STPG2: variants seen among roughly 807,000 people sequenced by gnomAD.
STPG2 encodes sperm tail PG-rich repeat containing 2, also known as sperm-tail PG-rich repeat-containing protein 2.
In STPG2, 56 loss-of-function variants were observed where a neutral mutation model predicts 54.2. The observed-to-expected ratio is 1.03, with a 90% confidence interval of 0.83 to 1.29. The LOEUF (loss-of-function observed/expected upper bound fraction) is 1.29. Ranked by LOEUF, STPG2 falls within the 50% of genes most tolerant of loss-of-function variation. The pLI is 0.00. For missense variants in STPG2, 596 were observed against 544.9 expected (o/e 1.09, Z -0.93); for synonymous variants, 200 against 181.8 (o/e 1.10, Z -0.81).
intron 4 of STPG2, among the ~76,000 whole-genome samples, chr4:97,505,099 TA>T (rs1466418164): frequency 1.3e-5 from 2 of 151,826 alleles, no homozygotes; most frequent in Non-Finnish European, 2.9e-5. Context: ...AAATAGCTAA[TA>T]AAATAAGACT....
At chr4:97,937,164 G>A (rs1732776940) in intron 8 of STPG2, among the ~76,000 whole-genome samples, 1 of 151,590 alleles carries the variant, frequency 6.6e-6, no homozygotes, top group Non-Finnish European at 1.5e-5. Context: ...CTGCTTGATC[G>A]ATTCAGCTAT....
chr4:98,012,170 C>A (rs1273997898), intron 5 of STPG2, among the ~76,000 whole-genome samples: 1 of 152,140 alleles, frequency 6.6e-6, no homozygotes, highest in Non-Finnish European at 1.5e-5. Flanking sequence ...CTGCATATGG[C>A]TAGCCAGTTT....
chr4:97,829,620 A>G (rs1379000431), intron 9 of STPG2, among the ~76,000 whole-genome samples: 2 of 152,138 alleles, frequency 1.3e-5, no homozygotes, highest in Non-Finnish European at 2.9e-5. Flanking sequence ...GAAGCTAAAA[A>G]CCTTGCAAGA....
At chr4:98,106,328 T>C (rs1739188420) in intron 4 of STPG2, among the ~76,000 whole-genome samples, 2 of 152,112 alleles carry the variant, frequency 1.3e-5, no homozygotes, top group African/African-American at 2.4e-5. Context: ...ATCTGGTATT[T>C]ATTGAACAAA....
intron 5 of STPG2, among the ~76,000 whole-genome samples, chr4:98,038,609 A>C (rs1736845787): frequency 2.0e-5 from 3 of 152,046 alleles, no homozygotes; most frequent in Admixed American, 2.0e-4. Context: ...TCAAAAGAAA[A>C]TATAAAATAG....
At chr4:98,126,963 C>T (rs1338904513) in intron 3 of STPG2, among the ~76,000 whole-genome samples, 1 of 151,842 alleles carries the variant, frequency 6.6e-6, no homozygotes, top group East Asian at 1.9e-4. Flanking sequence ...AAACATCTAA[C>T]TGGGAACAAT....
chr4:97,778,809 C>T (rs1183200073), intron 9 of STPG2, among the ~76,000 whole-genome samples: 1 of 152,158 alleles, frequency 6.6e-6, no homozygotes, highest in Non-Finnish European at 1.5e-5. Flanking sequence ...CTACTGATCC[C>T]CAGGCAAATA....
intron 3 of STPG2, among the ~76,000 whole-genome samples, chr4:98,125,420 G>A (rs1739801350): frequency 6.6e-6 from 1 of 151,986 alleles, no homozygotes; most frequent in Non-Finnish European, 1.5e-5. Flanking sequence ...TAACATCAGG[G>A]CCCTCCTCTG....
At chr4:98,066,025 A>G (rs1737823213) in intron 5 of STPG2, among the ~76,000 whole-genome samples, 1 of 151,378 alleles carries the variant, frequency 6.6e-6, no homozygotes, top group Admixed American at 6.6e-5. Flanking sequence ...TATACCTATC[A>G]AGTAGGTATA....
chr4:97,722,559 T>C (rs1050651650), intron 9 of STPG2, among the ~76,000 whole-genome samples: 2 of 152,130 alleles, frequency 1.3e-5, no homozygotes, highest in Admixed American at 6.6e-5. Context: ...AACATTCATT[T>C]TGATATTCTA....
intron 8 of STPG2, among the ~76,000 whole-genome samples, chr4:97,878,069 T>A (rs1362773845): frequency 6.6e-6 from 1 of 152,162 alleles, no homozygotes; most frequent in Non-Finnish European, 1.5e-5. Flanking sequence ...TCCAAAATGA[T>A]CTCCTTTGAC....
chr4:97,560,101 TG>T (rs1732185905), intron 10 of STPG2, among the ~76,000 whole-genome samples: 2 of 152,134 alleles, frequency 1.3e-5, no homozygotes, highest in Non-Finnish European at 1.5e-5. Context: ...CAGATTCCCA[TG>T]ATGACCCTTA....
At chr4:98,015,300 T>A (rs1387741911) in intron 5 of STPG2, among the ~76,000 whole-genome samples, 1 of 152,026 alleles carries the variant, frequency 6.6e-6, no homozygotes, top group Non-Finnish European at 1.5e-5. Context: ...ATTTTTGCAA[T>A]ATATCCATCT....
intron 8 of STPG2, among the ~76,000 whole-genome samples, chr4:97,873,410 T>C (rs571421313): frequency 1.3e-5 from 2 of 151,520 alleles, no homozygotes; most frequent in Non-Finnish European, 3.0e-5. Flanking sequence ...TTGTTTATAG[T>C]TCTTTTTTAT....
At chr4:97,917,242 C>T (rs1474743777) in intron 8 of STPG2, 1 of 152,424 alleles carries the variant, frequency 6.6e-6, no homozygotes, top group African/African-American at 2.4e-5. Context: ...TCAACTGTGA[C>T]CTCGTGAGGC....
At chr4:97,594,894 A>T (rs1283513366) in intron 10 of STPG2, among the ~76,000 whole-genome samples, 1 of 152,156 alleles carries the variant, frequency 6.6e-6, no homozygotes, top group Non-Finnish European at 1.5e-5. Context: ...TCAAAACCAC[A>T]AGGAGATACC....
chr4:97,937,950 C>T (rs920001827), intron 8 of STPG2, among the ~76,000 whole-genome samples: 2 of 152,186 alleles, frequency 1.3e-5, no homozygotes, highest in Admixed American at 6.5e-5. Flanking sequence ...CAAACCCACT[C>T]ATCTGGGCTG....
At chr4:97,491,933 G>T (rs894487607) in intron 4 of STPG2, among the ~76,000 whole-genome samples, 1 of 151,452 alleles carries the variant, frequency 6.6e-6, no homozygotes, top group African/African-American at 2.4e-5. Flanking sequence ...AAGGCAAGGG[G>T]ATAGTGAAGA....
intron 7 of STPG2, among the ~76,000 whole-genome samples, chr4:97,956,541 C>A (rs1383534064): frequency 6.6e-6 from 1 of 151,946 alleles, no homozygotes; most frequent in Non-Finnish European, 1.5e-5. Flanking sequence ...ACACACAGAC[C>A]CACTGAAAAA....
Sources: gnomAD v4.1 joint callset for allele counts (sites outside exome capture counted in the v4.1 genomes callset) on GRCh38, gnomAD v4.1.1 for gene constraint, MANE v1.5 for transcripts, NCBI Gene and HGNC (gene_info 2026-07-23, HGNC 2026-07-21) for gene names.